The following TTLL9 variants were observed in gnomAD, a reference collection of about 807,000 sequenced individuals.
The protein encoded by TTLL9 is tubulin tyrosine ligase like 9.
A neutral mutation model predicts 65.6 loss-of-function variants in TTLL9; 47 were observed. The ratio of observed to expected loss-of-function variants is 0.72; its 90% confidence interval spans 0.57 to 0.91. TTLL9 has a LOEUF of 0.91. Ranked by LOEUF, TTLL9 falls within the 40% of genes least tolerant of loss-of-function variation. The pLI, the probability that TTLL9 is intolerant of heterozygous loss-of-function variation, is 0.00. For missense variants in TTLL9, 537 were observed against 568.8 expected (o/e 0.94, Z 0.57); for synonymous variants, 179 against 204.8 (o/e 0.87, Z 1.07).
intron 3 of TTLL9, among the ~76,000 whole-genome samples, chr20:31,894,991 A>C (rs193088140): frequency 1.3e-5 from 2 of 152,258 alleles, no homozygotes; most frequent in East Asian, 3.9e-4. Flanking sequence ...GTGTCTCACT[A>C]TGTTGCCCAG....
rs2063081998 is a variant in TTLL9, at chr20:31,879,700, G to C, written c.70-7496G>C. 10 of 946,980 alleles carry C rather than the reference G, an allele frequency of 1.1e-5. No homozygotes were observed. In the South Asian group the frequency reaches 1.8e-4, roughly 17 times the overall value. 58.7% of individuals were successfully genotyped at this position (946,980 alleles called of 1,614,324 possible). The stretch of plus-strand genomic sequence containing the variant: ...GAAGTCGGGGGACCTAGGCTGCCAG[G>C]ACGCCCAATAGCCTCCAGAGGTTCT... On this transcript the variant is annotated intron_variant, in intron 2 of 14. Coordinates refer to ENST00000535842, the MANE Select transcript of TTLL9 (RefSeq NM_001008409.5).
At chr20:31,915,594 A>G (rs2063722330) in intron 6 of TTLL9, among the ~76,000 whole-genome samples, 1 of 152,206 alleles carries the variant, frequency 6.6e-6, no homozygotes, top group East Asian at 1.9e-4. Flanking sequence ...GGCACTTTTC[A>G]AGAGGTATAT....
chr20:31,927,480 C>CAA (rs777895091), intron 10 of TTLL9, among the ~76,000 whole-genome samples: 572 of 53,050 alleles, frequency 0.011, 5 homozygotes, highest in African/African-American at 0.013. Context: ...GACTCTGTCT[C>CAA]AAAAAAAAAA....
chr20:31,883,338 C>T (rs939564357), intron 2 of TTLL9, among the ~76,000 whole-genome samples: 5 of 152,020 alleles, frequency 3.3e-5, no homozygotes, highest in Non-Finnish European at 4.4e-5. Context: ...GCTGGGATTA[C>T]AGTTCCTCGC....
chr20:31,922,873 G>A (rs2063833042), intron 7 of TTLL9, 90 bp from the exon 8 acceptor site: 1 of 1,016,980 alleles, frequency 9.8e-7, no homozygotes, highest in Non-Finnish European at 1.5e-6. Context: ...AAGATTCAGT[G>A]AGCTACCCAA....
chr20:31,887,673 G>T (rs2063212618), intron 3 of TTLL9, among the ~76,000 whole-genome samples: 1 of 152,074 alleles, frequency 6.6e-6, no homozygotes, highest in Non-Finnish European at 1.5e-5. Flanking sequence ...GCTTCACTCT[G>T]CATGGATAAC....
chr20:31,923,291 C>G (rs530017412), intron 8 of TTLL9, among the ~76,000 whole-genome samples: 1 of 152,300 alleles, frequency 6.6e-6, no homozygotes, highest in East Asian at 1.9e-4. Flanking sequence ...CTTTAAAAAC[C>G]AACTTATTCA....
At chr20:31,895,072 T>A (rs2063363392) in intron 3 of TTLL9, among the ~76,000 whole-genome samples, 2 of 152,210 alleles carry the variant, frequency 1.3e-5, no homozygotes, top group South Asian at 4.1e-4. Flanking sequence ...GTAAAAAGGT[T>A]TTATTTGGGA....
intron 2 of TTLL9, among the ~76,000 whole-genome samples, chr20:31,878,436 C>T (rs1337874804): frequency 2.6e-5 from 4 of 152,228 alleles, no homozygotes; most frequent in Non-Finnish European, 5.9e-5. Context: ...TACAACAAAG[C>T]AGGTGTCTGT....
At chr20:31,875,681 T>C (rs1361051264) in intron 2 of TTLL9, among the ~76,000 whole-genome samples, 1 of 152,226 alleles carries the variant, frequency 6.6e-6, no homozygotes, top group African/African-American at 2.4e-5. Flanking sequence ...ACTTCCTCTA[T>C]CATATTATTG....
In TTLL9 at chr20:31,933,849, C is replaced by G. The variant is rs1473155223; in HGVS notation, c.798C>G (p.His266Gln). 1 of 1,613,960 alleles carries G rather than the reference C, an allele frequency of 6.2e-7. No homozygotes were observed. Among genetic ancestry groups the G allele is most frequent in the Non-Finnish European group, 8.5e-7 (1 of 1,179,946 alleles). Residue 266 changes from histidine (H) to glutamine (Q), a missense_variant, in exon 11 of 15, where the codon CAC becomes CAG. Coordinates refer to ENST00000535842, the MANE Select transcript of TTLL9 (RefSeq NM_001008409.5). ...TGCAAAAAACATCTCCCGACTACCA[C>G]CCAAAGAAGGTGAGGAAGCCGGGCT... ...VAVQKTSPDYHPKKGCKWTLQ... is the reference protein window; with the variant it reads ...VAVQKTSPDYQPKKGCKWTLQ...
At chr20:31,918,368 TTTTC>T (rs957552593) in intron 6 of TTLL9, among the ~76,000 whole-genome samples, 6 of 152,014 alleles carry the variant, frequency 3.9e-5, no homozygotes, top group East Asian at 1.9e-4. Context: ...GTGCCCGTTC[TTTTC>T]TTTCTTTCTT....
In TTLL9 at chr20:31,942,104, CTGAG is replaced by C. The variant is rs1229911913; in HGVS notation, c.1244-834_1244-831del. The stretch of plus-strand genomic sequence containing the variant: ...CGTAGGCTCTCAGCTCAGTGAATGG[CTGAG>C]TGAGTGTCTGGGAAGCAGGGACAGG... On this transcript the variant is annotated intron_variant, in intron 14 of 14. Transcript: ENST00000535842. Among the ~76,000 whole-genome samples, 16 of 152,288 alleles carry C rather than the reference CTGAG, an allele frequency of 1.1e-4. No individual in the cohort carries two copies. The East Asian group carries it at 2.7e-3, about 26-fold the overall frequency.
chr20:31,887,310 C>G, intron 3 of TTLL9, 71 bp downstream of exon 3: 1 of 1,498,344 alleles, frequency 6.7e-7, no homozygotes, highest in Non-Finnish European at 9.3e-7. Context: ...TTTTCAATCC[C>G]TCTCTCCCTT....
intron 11 of TTLL9, chr20:31,934,403 C>G: frequency 1.7e-6 from 1 of 589,122 alleles, no homozygotes; most frequent in South Asian, 1.5e-5. Flanking sequence ...TTGGGATGCA[C>G]ACATGGTCAG....
chr20:31,943,771 G>T lies in TTLL9; in HGVS notation c.*750G>T. 1 of 456,728 alleles carries T rather than the reference G, an allele frequency of 2.2e-6. No individual in the cohort carries two copies. The highest frequency in any genetic ancestry group is 1.5e-5 in the South Asian group (1 of 64,572). 28.3% of individuals were successfully genotyped at this position (456,728 alleles called of 1,614,324 possible). On this transcript the variant is annotated 3_prime_UTR_variant, in exon 15 of 15. Transcript: ENST00000535842. The stretch of plus-strand genomic sequence containing the variant: ...TGACTTAAGTGCTTCTCTAGGCCTT[G>T]TGTTTGAGATTGGGAGCTGAGCCAG...
rs1278046056 is a variant in TTLL9, at chr20:31,896,120, A to G, written c.114-2353A>G. Among the ~76,000 whole-genome samples the G allele has an allele frequency of 2.0e-5, 3 of 152,138 alleles. No individual in the cohort carries two copies. In the East Asian group the frequency reaches 5.8e-4, roughly 29 times the overall value. On this transcript the variant is annotated intron_variant, in intron 3 of 14. Coordinates refer to ENST00000535842, the MANE Select transcript of TTLL9 (RefSeq NM_001008409.5). ...CTCCCAGAGTGCTATGATTACAGGC[A>G]TGAGCCACTGCGCCCGGCCTGATTT...
chr20:31,873,789 AAAGAAAGG>A (rs1216870156), intron 2 of TTLL9, among the ~76,000 whole-genome samples: 6 of 125,560 alleles, frequency 4.8e-5, no homozygotes, highest in African/African-American at 1.8e-4. Context: ...AAAGAAAAAG[AAAGAAAGG>A]AAGGAAGGAA....
intron 5 of TTLL9, among the ~76,000 whole-genome samples, chr20:31,909,271 G>T (rs55686504): frequency 6.6e-6 from 1 of 151,586 alleles, no homozygotes; most frequent in Admixed American, 6.6e-5. Context: ...AAGTAGCTGA[G>T]TAGCTGAGAT....
Sources: allele counts gnomAD v4.1 joint callset (sites outside exome capture counted in the v4.1 genomes callset), GRCh38; gene constraint gnomAD v4.1.1; transcripts MANE v1.5; gene names NCBI Gene and HGNC (gene_info 2026-07-23, HGNC 2026-07-21).